Variants in MGAT4A observed in about 807,000 individuals in gnomAD.
MGAT4A encodes the protein N-acetylglucosaminyltransferase IVa.
Under a neutral mutation model 74.1 loss-of-function variants are expected in MGAT4A, and 33 were observed. That is an observed-to-expected ratio of 0.45 (90% CI 0.34 to 0.60). MGAT4A has a LOEUF of 0.60. Among genes scored for constraint, MGAT4A ranks in the 20% least tolerant of loss-of-function variants. The pLI is 0.02. For missense variants in MGAT4A, 479 were observed against 628.3 expected (o/e 0.76, Z 2.54); for synonymous variants, 198 against 210.4 (o/e 0.94, Z 0.51).
chr2:98,698,159 A>T (rs553893458), intron 2 of MGAT4A, among the ~76,000 whole-genome samples: 1 of 152,350 alleles, frequency 6.6e-6, no homozygotes, highest in South Asian at 2.1e-4. Context: ...CTATAAAAAA[A>T]TTCCAGCACT....
intron 8 of MGAT4A, among the ~76,000 whole-genome samples, chr2:98,647,260 T>C (rs1176240565): frequency 2.0e-5 from 3 of 152,222 alleles, no homozygotes. Context: ...AACCCACTGA[T>C]TACTCTCAGC....
chr2:98,623,575 G>A lies in MGAT4A; in HGVS notation c.*1991C>T, dbSNP rs1344226828. 5.2e-5 allele frequency: 51 copies of A among 985,042 alleles called. No individual in the cohort carries two copies. The highest frequency in any genetic ancestry group is 5.8e-5 in the Non-Finnish European group (48 of 829,858). The allele number at this position is 985,042 out of a possible 1,614,324, so 61.0% of individuals were successfully genotyped here. Reference sequence around the variant, plus strand: ...TGGGCACTGGGCCAAGGAAATTTGAGAAGAAAAAAATTCAAGAAAGTGAAA... The same window carrying A: ...TGGGCACTGGGCCAAGGAAATTTGAAAAGAAAAAAATTCAAGAAAGTGAAA... On this transcript the variant is annotated 3_prime_UTR_variant, in exon 16 of 16. Coordinates refer to ENST00000393487, the MANE Select transcript of MGAT4A (RefSeq NM_012214.3).
rs192298828 is a variant in MGAT4A, at chr2:98,674,273, G to C, written c.403+762C>G. ...CTATGAAGTTATCATTTCATCACTT[G>C]TTAAAAACTTACAGAAGAACAAAAT... is the stretch of plus-strand genomic sequence containing the variant. On this transcript the variant is annotated intron_variant, in intron 4 of 15. Transcript: ENST00000393487. Among the ~76,000 whole-genome samples, 62 of 152,296 alleles carry C rather than the reference G, an allele frequency of 4.1e-4. 1 individual carries two copies. The East Asian group carries it at 9.4e-3, about 23-fold the overall frequency.
chr2:98,675,386 G>T (rs1355647860), intron 3 of MGAT4A, among the ~76,000 whole-genome samples: 1 of 152,138 alleles, frequency 6.6e-6, no homozygotes, highest in Non-Finnish European at 1.5e-5. Context: ...ACTGGCTGAA[G>T]GAAACCAAAA....
At chr2:98,730,777 G>A (rs190236428) in intron 1 of MGAT4A, among the ~76,000 whole-genome samples, 27,749 of 148,438 alleles carry the variant, frequency 0.19, 2,803 homozygotes, top group South Asian at 0.23. Context: ...GGGACGCTGG[G>A]AGGACGGCCC....
chr2:98,701,210 C>T (rs1191082550), intron 2 of MGAT4A, among the ~76,000 whole-genome samples: 2 of 152,218 alleles, frequency 1.3e-5, no homozygotes, highest in Non-Finnish European at 2.9e-5. Context: ...TAACACTGCT[C>T]TAAAGATTTA....
At chr2:98,646,621 C>T (rs1002436828) in intron 8 of MGAT4A, among the ~76,000 whole-genome samples, 2 of 152,070 alleles carry the variant, frequency 1.3e-5, no homozygotes, top group African/African-American at 4.8e-5. Context: ...GCAGGAGGAT[C>T]ACTTGAGCCC....
At chr2:98,640,445 A>C (rs1186003782) in intron 10 of MGAT4A, among the ~76,000 whole-genome samples, 3 of 152,172 alleles carry the variant, frequency 2.0e-5, no homozygotes, top group Non-Finnish European at 4.4e-5. Flanking sequence ...CCCCATCTCT[A>C]CTAAAAACAC....
intron 2 of MGAT4A, among the ~76,000 whole-genome samples, chr2:98,707,076 G>A (rs1416933475): frequency 3.3e-5 from 5 of 152,116 alleles, no homozygotes; most frequent in Non-Finnish European, 7.4e-5. Flanking sequence ...TTAGCTGGGT[G>A]TGGTGGCGGG....
chr2:98,697,904 T>C (rs1389283813), intron 2 of MGAT4A, among the ~76,000 whole-genome samples: 1 of 152,166 alleles, frequency 6.6e-6, no homozygotes, highest in Admixed American at 6.5e-5. Flanking sequence ...AGAAGACAAA[T>C]GCTAAAGGTT....
At position 98,624,885 on chromosome 2, in the gene MGAT4A, G is replaced by C; in HGVS notation, c.*681C>G. Reference sequence around the variant, plus strand: ...GCTTTAAGGAATGACAAATGTCTTTGAAAATATTTTGTTCAGTCACTGTGA... The same window carrying C: ...GCTTTAAGGAATGACAAATGTCTTTCAAAATATTTTGTTCAGTCACTGTGA... On this transcript the variant is annotated 3_prime_UTR_variant, in exon 16 of 16. Transcript: ENST00000393487. 1 of 984,152 alleles carries C rather than the reference G, an allele frequency of 1.0e-6. No individual in the cohort carries two copies. The highest frequency in any genetic ancestry group is 1.2e-6 in the Non-Finnish European group (1 of 828,478). The allele number at this position is 984,152 out of a possible 1,614,324, so 61.0% of individuals were successfully genotyped here.
chr2:98,678,355 G>T lies in MGAT4A; in HGVS notation c.211C>A (p.Arg71Ser), dbSNP rs371650303. The T allele has an allele frequency of 1.9e-6, 3 of 1,550,408 alleles. No homozygotes were observed. The highest frequency in any genetic ancestry group is 2.6e-6 in the Non-Finnish European group (3 of 1,141,094). ...CTTCCATTTGTTTCTGCTCCTACAC[G>T]CTTGAACTGTTGCACAATCGTATTT... ...ELNTIVQQFK[R>S]VGAETNGSKD... Residue 71 changes from arginine to serine, a missense_variant, in exon 3 of 16, where the codon CGT (arginine) becomes AGT (serine). This residue lies in a region of MGAT4A where 205 missense variants were observed against 232.7 expected (regional missense o/e 0.88). Transcript: ENST00000393487.
chr2:98,673,991 G>A (rs1701945729), intron 4 of MGAT4A, among the ~76,000 whole-genome samples: 1 of 152,170 alleles, frequency 6.6e-6, no homozygotes, highest in Non-Finnish European at 1.5e-5. Context: ...ATTAGAGAAA[G>A]GAAAGATGGA....
chr2:98,722,644 T>C (rs1702692778), intron 2 of MGAT4A, among the ~76,000 whole-genome samples: 1 of 152,206 alleles, frequency 6.6e-6, no homozygotes. Context: ...TATCTGTGAA[T>C]ATACCAAAAA....
At chr2:98,722,848 G>A (rs1702696551) in intron 2 of MGAT4A, among the ~76,000 whole-genome samples, 1 of 152,104 alleles carries the variant, frequency 6.6e-6, no homozygotes, top group Non-Finnish European at 1.5e-5. Context: ...CATGGACAGG[G>A]ACCCGTGACT....
intron 14 of MGAT4A, among the ~76,000 whole-genome samples, chr2:98,629,138 C>G (rs1701188780): frequency 6.6e-6 from 1 of 152,098 alleles, no homozygotes; most frequent in Non-Finnish European, 1.5e-5. Flanking sequence ...TATTCAAAAA[C>G]AGGTGGAGGG....
chr2:98,664,251 T>C (rs1187528151), intron 4 of MGAT4A, among the ~76,000 whole-genome samples: 1 of 149,612 alleles, frequency 6.7e-6, no homozygotes, highest in South Asian at 2.1e-4. Flanking sequence ...TTGTGTACTA[T>C]TTGTGCAACA....
chr2:98,656,483 G>A lies in MGAT4A; in HGVS notation c.585-18C>T. ...TAGAAAATCTATTATGAGAAAGTTAGCTGAGTTACTTAAGTTCTGTGGGAT... is the reference window on the plus strand; with the variant it reads ...TAGAAAATCTATTATGAGAAAGTTAACTGAGTTACTTAAGTTCTGTGGGAT... On this transcript the variant is annotated intron_variant, in intron 6 of 15. Coordinates refer to ENST00000393487, the MANE Select transcript of MGAT4A (RefSeq NM_012214.3). 6.6e-7 allele frequency: 1 copy of A among 1,512,656 alleles called. No homozygotes were observed. 93.7% of individuals were successfully genotyped at this position (1,512,656 alleles called of 1,614,324 possible).
intron 2 of MGAT4A, among the ~76,000 whole-genome samples, chr2:98,686,564 G>A (rs1281480149): frequency 1.4e-5 from 2 of 141,552 alleles, no homozygotes; most frequent in African/African-American, 5.3e-5. Context: ...TTTTTTTTCT[G>A]GAGACAGAGT....
Sources: allele counts gnomAD v4.1 joint callset (sites outside exome capture counted in the v4.1 genomes callset), GRCh38; gene constraint gnomAD v4.1.1; regional missense constraint gnomAD v4.1.1; transcripts MANE v1.5; gene names NCBI Gene and HGNC (gene_info 2026-07-23, HGNC 2026-07-21).